The following AGO1 variants were observed in gnomAD, a reference collection of about 807,000 sequenced individuals.
AGO1 encodes the protein protein argonaute-1.
Under a neutral mutation model 109.2 loss-of-function variants are expected in AGO1, and 11 were observed. The observed-to-expected ratio is 0.10, with a 90% confidence interval of 0.06 to 0.17. The LOEUF (loss-of-function observed/expected upper bound fraction) is 0.17, where lower values mean the gene tolerates loss of function less well. AGO1 is among the 10% of genes least tolerant of loss of function. The pLI, the probability that AGO1 is intolerant of heterozygous loss-of-function variation, is 1.00. For missense variants in AGO1, 574 were observed against 1,140.3 expected, an observed-to-expected ratio of 0.50 and a Z score of 7.15; for synonymous variants, 422 against 418.6, an observed-to-expected ratio of 1.01 and a Z score of -0.10.
rs1645072408 is a variant in AGO1 at position 35,883,837 on chromosome 1, G to A, written c.25+391G>A. Among the ~76,000 whole-genome samples the A allele has an allele frequency of 6.6e-6, 1 of 152,208 alleles. No individual in the cohort carries two copies. The highest frequency in any genetic ancestry group is 6.5e-5 in the Admixed American group (1 of 15,286). ...GGAGCTACCGCATGCCGGGGGCGGG[G>A]GCTCCGCTGGGCTGGAATAGGCTAA... On this transcript the variant is annotated intron_variant, in intron 1 of 18. Transcript: ENST00000373204. The surrounding 1 kb of genome is among the most constrained non-coding windows in gnomAD (Gnocchi z 5.4).
chr1:35,903,442 G>T (rs1238970438), intron 11 of AGO1, among the ~76,000 whole-genome samples: 1 of 152,060 alleles, frequency 6.6e-6, no homozygotes, highest in East Asian at 1.9e-4. Flanking sequence ...TCTGAATCTG[G>T]AGTGGGGTCA....
At position 35,919,942 on chromosome 1, in the gene AGO1, G is replaced by C. The variant is rs530845732; in HGVS notation, c.*335G>C. On this transcript the variant is annotated 3_prime_UTR_variant, in exon 19 of 19. Transcript: ENST00000373204. This position sits in a 1 kb window ranked among gnomAD's most constrained non-coding sequence, Gnocchi z 6.6. ...CTCACAGTGCTAAAGACTCATGCTT[G>C]ACAGCTTGGTAAGGTCAACTCTGTA... The C allele has an allele frequency of 1.7e-5, 4 of 237,432 alleles. No individual in the cohort carries two copies. Among genetic ancestry groups the C allele is most frequent in the Non-Finnish European group, 2.5e-5 (3 of 120,634 alleles). 14.7% of individuals were successfully genotyped at this position (237,432 alleles called of 1,614,324 possible).
chr1:35,891,265 G>A (rs1645213258), intron 2 of AGO1, among the ~76,000 whole-genome samples: 1 of 152,238 alleles, frequency 6.6e-6, no homozygotes, highest in African/African-American at 2.4e-5. Context: ...TCTAGAAAGT[G>A]TGAAGGTCAG....
chr1:35,919,390 G>T lies in AGO1; in HGVS notation c.2466-109G>T, dbSNP rs188951426. 6.8e-7 allele frequency: 1 copy of T among 1,461,948 alleles called. No homozygotes were observed. Among genetic ancestry groups the T allele is most frequent in the East Asian group, 2.5e-5 (1 of 40,356 alleles). The allele number at this position is 1,461,948 out of a possible 1,614,324, so 90.6% of individuals were successfully genotyped here. A position where few individuals can be genotyped will look rare whatever the true frequency, so the allele number is the denominator to read the frequency against. On this transcript the variant is annotated intron_variant, in intron 18 of 18. Transcript: ENST00000373204. The surrounding 1 kb of genome is among the most constrained non-coding windows in gnomAD (Gnocchi z 6.6). ...GGCTCGTCTGCCCAATCCTGGGTTG[G>T]GTTTCTCTCTTAAGTTGGTATGGGA...
At chr1:35,910,429 A>G (rs1645611410) in intron 12 of AGO1, among the ~76,000 whole-genome samples, 1 of 152,092 alleles carries the variant, frequency 6.6e-6, no homozygotes, top group South Asian at 2.1e-4. Flanking sequence ...AATTGTATAT[A>G]TAGAAATCTT....
chr1:35,912,575 T>G (rs536388371), intron 12 of AGO1, among the ~76,000 whole-genome samples: 6 of 152,102 alleles, frequency 3.9e-5, no homozygotes, highest in South Asian at 2.1e-4. Context: ...TATTTTATTT[T>G]TTTATTTATT....
chr1:35,886,983 G>C (rs550727818), intron 1 of AGO1, among the ~76,000 whole-genome samples: 1 of 152,008 alleles, frequency 6.6e-6, no homozygotes, highest in East Asian at 2.0e-4. Flanking sequence ...GGGGATGTGT[G>C]TCTGTCTGTC....
chr1:35,886,107 TGGG>T (rs1325015585), intron 1 of AGO1, among the ~76,000 whole-genome samples: 1 of 152,110 alleles, frequency 6.6e-6, no homozygotes, highest in Non-Finnish European at 1.5e-5. Context: ...TCCTTGGGGA[TGGG>T]GGAGGGGGAG....
chr1:35,919,246 G>A lies in AGO1; in HGVS notation c.2457G>A (p.Glu819=), dbSNP rs1571380526. 4.3e-6 allele frequency: 7 copies of A among 1,613,566 alleles called. No homozygotes were observed. The East Asian group carries it at 1.3e-4, about 31-fold the overall frequency. Residue 819 remains glutamate, a synonymous_variant, in exon 18 of 19, where the codon GAG becomes GAA. Coordinates refer to ENST00000373204, the MANE Select transcript of AGO1 (RefSeq NM_012199.5). This position sits in a 1 kb window ranked among gnomAD's most constrained non-coding sequence, Gnocchi z 6.6. ...CACGATACCACCTGGTGGACAAGGA[G>A]CATGACAGGTGAGGCCTGGGATCAG... is the stretch of plus-strand genomic sequence containing the variant. ...FRARYHLVDK[E]HDSGEGSHIS... is the part of the protein sequence containing the mutation.
In AGO1 at chr1:35,888,452, G is replaced by C. The variant is rs138410930; in HGVS notation, c.51G>C (p.Leu17=). ...CTGCGGGCGCTTACCTGCCCCCCCT[G>C]CAGCAGGTGTTCCAGGCACCTCGCC... ...GAAAGAYLPP[L]QQVFQAPRRP... is the part of the protein sequence containing the mutation. The change falls in exon 2 of 19, where the codon CTG becomes CTC. Residue 17 remains leucine (L), a synonymous_variant. Coordinates refer to ENST00000373204, the MANE Select transcript of AGO1 (RefSeq NM_012199.5). The surrounding 1 kb of genome is among the most constrained non-coding windows in gnomAD (Gnocchi z 4.1). The C allele has an allele frequency of 1.5e-5, 24 of 1,614,034 alleles. No individual in the cohort carries two copies. Among genetic ancestry groups the C allele is most frequent in the Non-Finnish European group, 2.0e-5 (24 of 1,180,014 alleles).
rs148346279 is a variant in AGO1 at position 35,901,126 on chromosome 1, G to A, written c.1021-348G>A. Among the ~76,000 whole-genome samples the A allele has an allele frequency of 2.6e-3, 391 of 151,562 alleles. 1 individual carries two copies. Among genetic ancestry groups the A allele is most frequent in the African/African-American group, 8.5e-3 (351 of 41,368 alleles). On this transcript the variant is annotated intron_variant, in intron 8 of 18. Transcript: ENST00000373204. The surrounding 1 kb of genome is among the most constrained non-coding windows in gnomAD (Gnocchi z 4.8). ...CTCCTGAGTAGCTGGGATTACAGGC[G>A]CACGCCACCATGCCTGGCTAATTTT... is the stretch of plus-strand genomic sequence containing the variant.
intron 13 of AGO1, 37 bp from the exon 14 acceptor site, chr1:35,914,147 C>A: frequency 6.2e-7 from 1 of 1,607,018 alleles, no homozygotes; most frequent in Non-Finnish European, 8.5e-7. Flanking sequence ...AGAGAAGACC[C>A]AGCGCCTCAC....
At chr1:35,914,967 GA>G (rs1645708541) in intron 14 of AGO1, among the ~76,000 whole-genome samples, 2 of 152,106 alleles carry the variant, frequency 1.3e-5, no homozygotes, top group South Asian at 4.1e-4. Flanking sequence ...ATTTGAATGG[GA>G]AAAAGGATAA....
chr1:35,886,549 C>T (rs1426677297), intron 1 of AGO1, among the ~76,000 whole-genome samples: 1 of 151,942 alleles, frequency 6.6e-6, no homozygotes, highest in East Asian at 1.9e-4. Flanking sequence ...TCTAACTAGC[C>T]CCCCAGCTCT....
chr1:35,902,195 T>C lies in AGO1; in HGVS notation c.1264-9T>C. 6.2e-7 allele frequency: 1 copy of C among 1,612,228 alleles called. No individual in the cohort carries two copies. The highest frequency in any genetic ancestry group is 8.5e-7 in the Non-Finnish European group (1 of 1,178,872). Reference sequence around the variant, plus strand: ...GGCTCACCTAGGCGCCCCCTCTACCTATCCCCAGAACCGGGCCATTGCCAC... The same window carrying C: ...GGCTCACCTAGGCGCCCCCTCTACCCATCCCCAGAACCGGGCCATTGCCAC... On this transcript the variant is annotated splice_polypyrimidine_tract_variant and intron_variant, in intron 10 of 18. Transcript: ENST00000373204.
At position 35,894,364 on chromosome 1, in the gene AGO1, C is replaced by T. The variant is rs759416843; in HGVS notation, c.834C>T (p.Arg278=). 1.4e-5 allele frequency: 23 copies of T among 1,614,076 alleles called. No homozygotes were observed. Among genetic ancestry groups the T allele is most frequent in the African/African-American group, 2.7e-5 (2 of 74,918 alleles). Reference sequence around the variant, plus strand: ...GTGGACAGATGAAGAGGAAGTACCGCGTGTGTAATGTTACCCGTCGCCCTG... The same window carrying T: ...GTGGACAGATGAAGAGGAAGTACCGTGTGTGTAATGTTACCCGTCGCCCTG... ...THCGQMKRKY[R]VCNVTRRPAS... is the part of the protein sequence containing the mutation. The change falls in exon 7 of 19, where the codon CGC becomes CGT. Residue 278 remains arginine, a synonymous_variant. Coordinates refer to ENST00000373204, the MANE Select transcript of AGO1 (RefSeq NM_012199.5).
intron 8 of AGO1, among the ~76,000 whole-genome samples, chr1:35,895,974 A>G (rs1168483651): frequency 6.6e-6 from 1 of 152,150 alleles, no homozygotes; most frequent in African/African-American, 2.4e-5. Context: ...TGCAGATTTC[A>G]GATTCCACCC....
At chr1:35,902,879 G>C (rs1645444437) in intron 11 of AGO1, among the ~76,000 whole-genome samples, 1 of 152,144 alleles carries the variant, frequency 6.6e-6, no homozygotes, top group Non-Finnish European at 1.5e-5. Context: ...CTGGTTGTCA[G>C]GGCCTCTGTG....
Position 35,895,278 on chromosome 1 carries a change from G to T in AGO1, c.1020+9G>T. 1 of 1,610,660 alleles carries T rather than the reference G, an allele frequency of 6.2e-7. No individual in the cohort carries two copies. The highest frequency in any genetic ancestry group is 8.5e-7 in the Non-Finnish European group (1 of 1,178,076). ...CCTACCTTCCCCTAGAGGTGAGATT[G>T]CCAAGTAATGGCTGGGGAATAGGCA... On this transcript the variant is annotated intron_variant, in intron 8 of 18. Transcript: ENST00000373204.
Sources: allele counts gnomAD v4.1 joint callset (sites outside exome capture counted in the v4.1 genomes callset), GRCh38; gene constraint gnomAD v4.1.1; non-coding constraint Gnocchi (gnomAD v3.1); transcripts MANE v1.5; gene names NCBI Gene and HGNC (gene_info 2026-07-23, HGNC 2026-07-21).